Variants in MIER3 observed in about 807,000 individuals in gnomAD.
The protein encoded by MIER3 is MIER family member 3.
MIER3 carries 9 observed loss-of-function variants against 63.2 expected under a neutral mutation model. The observed-to-expected ratio is 0.14, with a 90% CI of 0.09 to 0.25. MIER3 has a LOEUF of 0.25. Ranked by LOEUF, MIER3 falls within the 10% of genes least tolerant of loss-of-function variation. The pLI is 1.00. For synonymous variants in MIER3, 205 were observed against 224.9 expected (o/e 0.91, Z 0.79); for missense variants, 512 against 666.2 (o/e 0.77, Z 2.55).
At chr5:56,932,892 G>C (rs2112106166) in intron 8 of MIER3, among the ~76,000 whole-genome samples, 1 of 152,042 alleles carries the variant, frequency 6.6e-6, no homozygotes, top group Middle Eastern at 3.4e-3. Flanking sequence ...GAAATTTAGG[G>C]AAAAATTTTT....
chr5:56,935,584 A>C, intron 6 of MIER3, 82 bp downstream of exon 6: 2 of 1,520,050 alleles, frequency 1.3e-6, no homozygotes, highest in South Asian at 1.2e-5. Flanking sequence ...AGTTTCTACA[A>C]GTCAAAACAA....
At chr5:56,951,199 CCT>C (rs986493246) in intron 1 of MIER3, among the ~76,000 whole-genome samples, 12 of 152,214 alleles carry the variant, frequency 7.9e-5, no homozygotes, top group African/African-American at 2.6e-4. Context: ...AGCCCCCCAT[CCT>C]CTCTCTCGAG....
intron 8 of MIER3, among the ~76,000 whole-genome samples, chr5:56,932,311 T>C (rs1750296978): frequency 6.6e-6 from 1 of 152,088 alleles, no homozygotes; most frequent in African/African-American, 2.4e-5. Flanking sequence ...TCTAATAGCA[T>C]TGAATACACA....
intron 2 of MIER3, 59 bp downstream of exon 2, chr5:56,950,569 A>T (rs1311964087): frequency 6.4e-7 from 1 of 1,562,678 alleles, no homozygotes; most frequent in Non-Finnish European, 8.8e-7. Flanking sequence ...TTAGCAACAG[A>T]CCTTTGAGCC....
chr5:56,951,072 C>T (rs985168605), intron 1 of MIER3, among the ~76,000 whole-genome samples: 10 of 152,192 alleles, frequency 6.6e-5, no homozygotes, highest in Admixed American at 2.6e-4. Context: ...GGAACGAACT[C>T]GCGTTCTGAG....
At chr5:56,928,715 G>T in intron 10 of MIER3, 52 bp downstream of exon 10, 1 of 1,270,718 alleles carries the variant, frequency 7.9e-7, no homozygotes, top group South Asian at 1.3e-5. Context: ...TAAATTAGTT[G>T]CTTACATTCA....
chr5:56,923,091 TG>T lies in MIER3; in HGVS notation c.*36del. 6.3e-7 allele frequency: 1 copy of T among 1,578,654 alleles called. No homozygotes were observed. Among genetic ancestry groups the T allele is most frequent in the South Asian group, 1.1e-5 (1 of 89,278 alleles). ...ACCTGATAGCTCCCCTCAAGTTTAC[TG>T]GTGCTGCACACGCAGTTCCGGGATC... On this transcript the variant is annotated 3_prime_UTR_variant, in exon 13 of 13. Transcript: ENST00000381199.
chr5:56,936,176 C>T (rs548993833), intron 5 of MIER3, among the ~76,000 whole-genome samples: 1 of 151,926 alleles, frequency 6.6e-6, no homozygotes, highest in East Asian at 1.9e-4. Context: ...AAGATCACGC[C>T]ATTGCACTCC....
Position 56,919,871 on chromosome 5 carries a change from AAT to A in MIER3, c.*3255_*3256del, listed in dbSNP as rs1443096518. The stretch of plus-strand genomic sequence containing the variant: ...ATCTACCATATTTAACAATAAAACT[AAT>A]AGTTTCCTCCATTTAGTGAAAAAAT... On this transcript the variant is annotated 3_prime_UTR_variant, in exon 13 of 13. Transcript: ENST00000381199. 3.3e-5 allele frequency: 5 copies of A among 152,632 alleles called. No individual in the cohort carries two copies. In the South Asian group the frequency reaches 6.2e-4, roughly 19 times the overall value. 9.5% of individuals were successfully genotyped at this position (152,632 alleles called of 1,614,324 possible). A position where few individuals can be genotyped will look rare whatever the true frequency, so the allele number is the denominator to read the frequency against.
At chr5:56,939,298 CTTTT>C (rs563792813) in intron 3 of MIER3, among the ~76,000 whole-genome samples, 2 of 150,774 alleles carry the variant, frequency 1.3e-5, no homozygotes, top group African/African-American at 4.9e-5. Context: ...GCTTTAGTGC[CTTTT>C]TTTTTGCTTT....
rs1278701164 is a variant in MIER3, at chr5:56,920,459, C to A, written c.*2669G>T. The A allele has an allele frequency of 6.6e-6, 1 of 152,022 alleles. No individual in the cohort carries two copies. The highest frequency in any genetic ancestry group is 2.4e-5 in the African/African-American group (1 of 41,302). The allele number at this position is 152,022 out of a possible 1,614,324, so 9.4% of individuals were successfully genotyped here. A position where few individuals can be genotyped will look rare whatever the true frequency, so the allele number is the denominator to read the frequency against. Reference sequence around the variant, plus strand: ...AATAATGGGGCAAAGGAAAAAAAAACAAAAAGAATTTATCACAGTTTGTTA... The same window carrying A: ...AATAATGGGGCAAAGGAAAAAAAAAAAAAAAGAATTTATCACAGTTTGTTA... On this transcript the variant is annotated 3_prime_UTR_variant, in exon 13 of 13. Coordinates refer to ENST00000381199, the MANE Select transcript of MIER3 (RefSeq NM_001297599.2).
chr5:56,935,691 C>G lies in MIER3; in HGVS notation c.497G>C (p.Gly166Ala). ...SEVEDVETDS[G>A]NSPEDLRKEI... ...CTTCCTCAAATCTTCAGGTGAATTA[C>G]CACTGTCTGTTTCAACATCTTCAAC... The change falls in exon 6 of 13, where the codon GGT becomes GCT. Residue 166 changes from glycine to alanine, a missense_variant. Gly to Ala is a moderately conservative substitution (Grantham distance 60). Transcript: ENST00000381199. The G allele has an allele frequency of 6.2e-7, 1 of 1,614,014 alleles. No individual in the cohort carries two copies. Among genetic ancestry groups the G allele is most frequent in the Non-Finnish European group, 8.5e-7 (1 of 1,179,898 alleles).
upstream of MIER3, chr5:56,952,184 A>G (rs1158056524): frequency 1.8e-6 from 2 of 1,097,448 alleles, no homozygotes; most frequent in African/African-American, 3.4e-5. Context: ...CGCCGCCGCC[A>G]CCGCCGCGGT....
chr5:56,935,264 CTT>C (rs908186869), intron 7 of MIER3, among the ~76,000 whole-genome samples, 162 bp downstream of exon 7: 1 of 152,138 alleles, frequency 6.6e-6, no homozygotes, highest in African/African-American at 2.4e-5. Context: ...TAGTGATTAA[CTT>C]TGATACATTT....
chr5:56,949,887 C>T (rs1201649804), intron 2 of MIER3, among the ~76,000 whole-genome samples: 1 of 152,148 alleles, frequency 6.6e-6, no homozygotes, highest in Non-Finnish European at 1.5e-5. Context: ...ACAAAGATAC[C>T]TTACATGATT....
In MIER3 at chr5:56,933,235, G is replaced by A; in HGVS notation, c.747+12C>T. On this transcript the variant is annotated intron_variant, in intron 8 of 12. Transcript: ENST00000381199. ...TAAACTGGCTGCTGTTTCAACAGAA[G>A]CTGAAGTATACCTGTTCATTGTCCC... 1 of 1,571,936 alleles carries A rather than the reference G, an allele frequency of 6.4e-7. No homozygotes were observed. The highest frequency in any genetic ancestry group is 8.6e-7 in the Non-Finnish European group (1 of 1,160,868).
At chr5:56,949,442 C>G (rs74455703) in intron 2 of MIER3, among the ~76,000 whole-genome samples, 12,354 of 152,158 alleles carry the variant, frequency 0.081, 532 homozygotes, top group East Asian at 0.14. Context: ...GTCAGTGATA[C>G]CAAATGGAAA....
intron 3 of MIER3, among the ~76,000 whole-genome samples, chr5:56,945,939 G>T (rs2112146239): frequency 6.6e-6 from 1 of 152,074 alleles, no homozygotes; most frequent in Non-Finnish European, 1.5e-5. Context: ...TGTCTCTACT[G>T]TTTCTTTTAT....
Position 56,922,604 on chromosome 5 carries a change from CCT to C in MIER3, c.*522_*523del, listed in dbSNP as rs2112060252. 6.5e-6 allele frequency: 1 copy of C among 154,550 alleles called. No homozygotes were observed. Among genetic ancestry groups the C allele is most frequent in the East Asian group, 1.9e-4 (1 of 5,224 alleles). The allele number at this position is 154,550 out of a possible 1,614,324, so 9.6% of individuals were successfully genotyped here. On this transcript the variant is annotated 3_prime_UTR_variant, in exon 13 of 13. Transcript: ENST00000381199. The stretch of plus-strand genomic sequence containing the variant: ...TTTGTGCAGTTTAAAGAAACCTACC[CCT>C]GCTTTTATTAAGAAAATAAAACCAA...
Sources: allele counts gnomAD v4.1 joint callset (sites outside exome capture counted in the v4.1 genomes callset), GRCh38; gene constraint gnomAD v4.1.1; transcripts MANE v1.5; gene names NCBI Gene and HGNC (gene_info 2026-07-23, HGNC 2026-07-21).